TRPM3: variants seen among roughly 807,000 people sequenced by gnomAD.
TRPM3 encodes transient receptor potential cation channel subfamily M member 3.
TRPM3 carries 77 observed loss-of-function variants against 181.2 expected under a neutral mutation model. The ratio of observed to expected loss-of-function variants is 0.42; its 90% confidence interval spans 0.35 to 0.51. The LOEUF (loss-of-function observed/expected upper bound fraction) is 0.51. Among genes scored for constraint, TRPM3 ranks in the 20% least tolerant of loss-of-function variants. The probability of loss-of-function intolerance (pLI) is 0.01; values close to 1 mark genes in which losing one functional copy is unlikely to be tolerated. For missense variants in TRPM3, 1,759 were observed against 2,196.7 expected, an observed-to-expected ratio of 0.80 and a Z score of 3.98; for synonymous variants, 745 against 796.4, an observed-to-expected ratio of 0.94 and a Z score of 1.09.
intron 1 of TRPM3, among the ~76,000 whole-genome samples, chr9:71,232,099 G>T (rs956726800): frequency 3.9e-5 from 6 of 152,182 alleles, no homozygotes; most frequent in Non-Finnish European, 8.8e-5. Flanking sequence ...AGTTAAAAAT[G>T]ATGGCTAGCT....
rs1587542173 is a variant in TRPM3 at position 71,130,960 on chromosome 9, C to G, written c.184-266449G>C. On this transcript the variant is annotated intron_variant, in intron 1 of 24. Coordinates refer to the TRPM3 transcript ENST00000357533. Reference sequence around the variant, plus strand: ...GCAAGTAAACCTGTTGGCTACAGATCAGATGAGAGCATGATGTATTTACTT... The same window carrying G: ...GCAAGTAAACCTGTTGGCTACAGATGAGATGAGAGCATGATGTATTTACTT... Among the ~76,000 whole-genome samples the G allele has an allele frequency of 4.6e-5, 7 of 152,278 alleles. 1 individual carries two copies. The highest frequency in any genetic ancestry group is 1.7e-4 in the African/African-American group (7 of 41,560).
At chr9:71,094,427 C>T (rs1172426918) in intron 1 of TRPM3, among the ~76,000 whole-genome samples, 6 of 152,116 alleles carry the variant, frequency 3.9e-5, no homozygotes, top group Non-Finnish European at 5.9e-5. Context: ...TTTGAATCGT[C>T]TTCTAGTCCT....
intron 1 of TRPM3, among the ~76,000 whole-genome samples, chr9:71,398,851 G>A (rs776468899): frequency 9.9e-5 from 15 of 151,916 alleles, no homozygotes; most frequent in African/African-American, 2.7e-4. Context: ...ACAGGCAATC[G>A]ATAAGTAACA....
intron 1 of TRPM3, among the ~76,000 whole-genome samples, chr9:71,186,228 G>A (rs1382218299): frequency 1.2e-4 from 18 of 152,008 alleles, no homozygotes; most frequent in South Asian, 4.2e-4. Context: ...TGCAATTACC[G>A]TATTTCCAAG....
intron 7 of TRPM3, among the ~76,000 whole-genome samples, chr9:70,771,552 T>C (rs893798571): frequency 6.6e-6 from 1 of 152,106 alleles, no homozygotes; most frequent in Non-Finnish European, 1.5e-5. Flanking sequence ...CTCTGATACA[T>C]ATCAAAAAGG....
intron 1 of TRPM3, among the ~76,000 whole-genome samples, chr9:71,374,404 CA>C (rs532052058): frequency 1.8e-4 from 27 of 151,098 alleles, no homozygotes; most frequent in African/African-American, 6.6e-4. Context: ...AAAAACAAAA[CA>C]AAAAAAACCA....
At chr9:70,653,127 G>A (rs2059804990) in intron 9 of TRPM3, among the ~76,000 whole-genome samples, 1 of 152,180 alleles carries the variant, frequency 6.6e-6, no homozygotes, top group African/African-American at 2.4e-5. Flanking sequence ...ATGGAGGCCA[G>A]GGAGGATTTG....
chr9:71,390,669 T>A (rs1046874036), intron 1 of TRPM3, among the ~76,000 whole-genome samples: 2 of 151,994 alleles, frequency 1.3e-5, no homozygotes, highest in African/African-American at 2.4e-5. Context: ...AAACTGTCAA[T>A]CATTGATTCT....
At chr9:70,669,304 T>A (rs1590053618) in intron 9 of TRPM3, among the ~76,000 whole-genome samples, 1 of 152,256 alleles carries the variant, frequency 6.6e-6, no homozygotes. Flanking sequence ...ATTATGGATA[T>A]GGTCATAATC....
chr9:71,434,470 T>A (rs1447413504), intron 1 of TRPM3, among the ~76,000 whole-genome samples: 2 of 152,246 alleles, frequency 1.3e-5, no homozygotes, highest in African/African-American at 4.8e-5. Flanking sequence ...AATAATTTTC[T>A]GATGTTTATA....
intron 1 of TRPM3, among the ~76,000 whole-genome samples, chr9:70,962,896 G>A (rs1223254958): frequency 6.6e-6 from 1 of 152,050 alleles, no homozygotes; most frequent in African/African-American, 2.4e-5. Flanking sequence ...CGGAATGTCT[G>A]GAACATAATA....
intron 1 of TRPM3, among the ~76,000 whole-genome samples, chr9:70,909,019 A>G (rs1000189354): frequency 6.6e-6 from 1 of 152,246 alleles, no homozygotes; most frequent in East Asian, 1.9e-4. Context: ...AAGGTAATAA[A>G]GCATCTTTAT....
chr9:70,701,508 G>A (rs949790422), intron 8 of TRPM3, among the ~76,000 whole-genome samples: 1 of 142,118 alleles, frequency 7.0e-6, no homozygotes, highest in Non-Finnish European at 1.6e-5. Flanking sequence ...GGGGAATTTA[G>A]TGATTGTCTC....
intron 1 of TRPM3, among the ~76,000 whole-genome samples, chr9:71,075,256 T>C (rs2063301839): frequency 6.6e-6 from 1 of 152,312 alleles, no homozygotes; most frequent in African/African-American, 2.4e-5. Context: ...TTATCATTTG[T>C]TTATGGCTTT....
intron 5 of TRPM3, among the ~76,000 whole-genome samples, chr9:70,841,918 T>C (rs922289368): frequency 2.0e-5 from 3 of 151,786 alleles, no homozygotes; most frequent in Admixed American, 2.0e-4. Context: ...ATATGGACAT[T>C]GGACACTACA....
intron 1 of TRPM3, among the ~76,000 whole-genome samples, chr9:71,263,015 A>G (rs2083168044): frequency 6.6e-6 from 1 of 152,206 alleles, no homozygotes; most frequent in African/African-American, 2.4e-5. Flanking sequence ...ATTATCTAAT[A>G]TCTTTAATTT....
At chr9:71,144,224 G>C (rs1215255849) in intron 1 of TRPM3, among the ~76,000 whole-genome samples, 1 of 152,074 alleles carries the variant, frequency 6.6e-6, no homozygotes, top group Non-Finnish European at 1.5e-5. Context: ...ACTCTGGTTT[G>C]ACCTTGTGCC....
chr9:71,079,353 C>G (rs1235234933), intron 1 of TRPM3, among the ~76,000 whole-genome samples: 2 of 152,114 alleles, frequency 1.3e-5, no homozygotes, highest in Non-Finnish European at 2.9e-5. Flanking sequence ...CTGTGCTGTT[C>G]CCTCAGGATG....
chr9:70,861,315 A>G (rs1035783420), intron 3 of TRPM3, among the ~76,000 whole-genome samples: 1 of 152,174 alleles, frequency 6.6e-6, no homozygotes, highest in Non-Finnish European at 1.5e-5. Context: ...CAATGGCAGC[A>G]TCATGGTCAT....
Sources: allele counts gnomAD v4.1 joint callset (sites outside exome capture counted in the v4.1 genomes callset), GRCh38; gene constraint gnomAD v4.1.1; transcripts MANE v1.5; gene names NCBI Gene and HGNC (gene_info 2026-07-23, HGNC 2026-07-21).